CSNK2A2IP: variants seen among roughly 807,000 people sequenced by gnomAD.
CSNK2A2IP encodes casein kinase 2 subunit alpha' interacting protein.
At chr3:88,436,900 T>C in the CSNK2A2IP span, among the ~76,000 whole-genome samples, 1 of 152,138 alleles carries the variant, frequency 6.6e-6, no homozygotes, top group Admixed American at 6.5e-5. Context: ...GGCAAACCTG[T>C]TTATAATTGT....
At chr3:88,446,090 CTTTCTTTCTTTT>C in the CSNK2A2IP span, among the ~76,000 whole-genome samples, 2,521 of 83,902 alleles carry the variant, frequency 0.03, 88 homozygotes, top group Non-Finnish European at 0.035. Context: ...TTCTTTCTTT[CTTTCTTTCTTTT>C]TTTCTTTCTT....
the CSNK2A2IP span, among the ~76,000 whole-genome samples, chr3:88,464,084 G>A: frequency 2.0e-5 from 3 of 149,478 alleles, no homozygotes; most frequent in South Asian, 4.2e-4. Context: ...AACACCACAT[G>A]TTCTCACTCA....
At chr3:88,412,384 T>C in the CSNK2A2IP span, among the ~76,000 whole-genome samples, 1 of 151,936 alleles carries the variant, frequency 6.6e-6, no homozygotes, top group African/African-American at 2.4e-5. Context: ...TTCTGGACCT[T>C]TATTTCTTCC....
At chr3:88,418,846 AC>A in the CSNK2A2IP span, among the ~76,000 whole-genome samples, 2 of 152,164 alleles carry the variant, frequency 1.3e-5, no homozygotes, top group Admixed American at 6.5e-5. Context: ...GCTGGGCCAC[AC>A]AGCAGGAGGT....
the CSNK2A2IP span, among the ~76,000 whole-genome samples, chr3:88,405,563 TG>T: frequency 6.6e-6 from 1 of 152,190 alleles, no homozygotes; most frequent in Non-Finnish European, 1.5e-5. Flanking sequence ...TTATCTTCTT[TG>T]GGTTAGGCCT....
the CSNK2A2IP span, chr3:88,399,786 T>A: frequency 0.55 from 82,940 of 152,032 alleles, 23,808 homozygotes; most frequent in South Asian, 0.71. Context: ...TAAATGAGGT[T>A]TCCTAACCTC....
chr3:88,466,458 C>A, the CSNK2A2IP span: 1 of 1,231,998 alleles, frequency 8.1e-7, no homozygotes, highest in Non-Finnish European at 1.0e-6. Flanking sequence ...CAAAAACAAA[C>A]ATCTCAGGTC....
chr3:88,410,934 G>A, the CSNK2A2IP span, among the ~76,000 whole-genome samples: 1 of 151,906 alleles, frequency 6.6e-6, no homozygotes, highest in African/African-American at 2.4e-5. Flanking sequence ...AAAATATAAA[G>A]TGATTTCTCA....
the CSNK2A2IP span, among the ~76,000 whole-genome samples, chr3:88,374,555 G>GTT: frequency 6.6e-6 from 1 of 151,438 alleles, no homozygotes; most frequent in Non-Finnish European, 1.5e-5. Flanking sequence ...CCATTTTATT[G>GTT]TTTCTCTCTA....
chr3:88,391,381 T>C, the CSNK2A2IP span, among the ~76,000 whole-genome samples: 3 of 152,194 alleles, frequency 2.0e-5, no homozygotes, highest in Non-Finnish European at 4.4e-5. Flanking sequence ...GTATTAGGCA[T>C]ATAGCTGCAA....
chr3:88,467,382 T>C, the CSNK2A2IP span: 4 of 398,540 alleles, frequency 1.0e-5, no homozygotes, highest in East Asian at 1.1e-4. Context: ...TTAGCTACCA[T>C]CGGTTGCCTG....
At chr3:88,350,122 G>T in the CSNK2A2IP span, among the ~76,000 whole-genome samples, 1 of 152,032 alleles carries the variant, frequency 6.6e-6, no homozygotes, top group East Asian at 1.9e-4. Context: ...AGGCAGAATT[G>T]TTCACTCCAT....
the CSNK2A2IP span, among the ~76,000 whole-genome samples, chr3:88,458,018 T>C: frequency 6.6e-6 from 1 of 152,076 alleles, no homozygotes; most frequent in Non-Finnish European, 1.5e-5. Context: ...CTCTCTTTCA[T>C]ATGAGTTGTC....
At chr3:88,346,804 G>A in the CSNK2A2IP span, among the ~76,000 whole-genome samples, 1 of 151,116 alleles carries the variant, frequency 6.6e-6, no homozygotes, top group East Asian at 1.9e-4. Flanking sequence ...CATCCATTCT[G>A]CAGCACATAG....
At chr3:88,393,691 CT>C in the CSNK2A2IP span, among the ~76,000 whole-genome samples, 1 of 152,188 alleles carries the variant, frequency 6.6e-6, no homozygotes, top group Admixed American at 6.5e-5. Context: ...GCTTCGTTTA[CT>C]TTATGGTTAG....
chr3:88,456,630 G>A, the CSNK2A2IP span, among the ~76,000 whole-genome samples: 4 of 146,296 alleles, frequency 2.7e-5, no homozygotes, highest in African/African-American at 9.9e-5. Context: ...TATGTTATCT[G>A]CAGAGACAAT....
the CSNK2A2IP span, among the ~76,000 whole-genome samples, chr3:88,452,140 T>TA: frequency 2.6e-5 from 4 of 151,842 alleles, no homozygotes; most frequent in African/African-American, 4.8e-5. Flanking sequence ...CCCTTGCTCC[T>TA]AATCTCCAAT....
chr3:88,388,307 A>T, the CSNK2A2IP span, among the ~76,000 whole-genome samples: 1 of 152,310 alleles, frequency 6.6e-6, no homozygotes, highest in South Asian at 2.1e-4. Context: ...TCTTCTAGTC[A>T]TTTTTGGTGC....
the CSNK2A2IP span, among the ~76,000 whole-genome samples, chr3:88,435,152 T>A: frequency 6.6e-6 from 1 of 152,280 alleles, no homozygotes; most frequent in Middle Eastern, 3.4e-3. Flanking sequence ...TCCTACTTTC[T>A]AAATGTAAAT....
Sources: allele counts gnomAD v4.1 joint callset (sites outside exome capture counted in the v4.1 genomes callset), GRCh38; gene constraint gnomAD v4.1.1; transcripts MANE v1.5; gene names NCBI Gene and HGNC (gene_info 2026-07-23, HGNC 2026-07-21).